ICAM5: variants seen among roughly 807,000 people sequenced by gnomAD.
ICAM5 encodes intercellular adhesion molecule 5.
A neutral mutation model predicts 78.8 loss-of-function variants in ICAM5; 38 were observed. The ratio of observed to expected loss-of-function variants is 0.48; its 90% CI spans 0.37 to 0.63. The LOEUF is 0.63. Ranked by LOEUF, ICAM5 falls within the 30% of genes least tolerant of loss-of-function variation. ICAM5 has a pLI of 0.00. For missense variants in ICAM5, 1,059 were observed against 1,303.0 expected, an observed-to-expected ratio of 0.81 and a Z score of 2.88; for synonymous variants, 544 against 590.9, an observed-to-expected ratio of 0.92 and a Z score of 1.15.
rs751390283 is a variant in ICAM5 at position 10,294,917 on chromosome 19, C to A, written c.2230+277C>A. ...CCCGTCTCTACAAAAATTAGCCGGTCGTGGTGGTGGGCGCCTGTGGTCCCA... is the reference window on the plus strand; with the variant it reads ...CCCGTCTCTACAAAAATTAGCCGGTAGTGGTGGTGGGCGCCTGTGGTCCCA... On this transcript the variant is annotated intron_variant, in intron 9 of 10. Coordinates refer to ENST00000221980, the MANE Select transcript of ICAM5 (RefSeq NM_003259.4). The surrounding 1 kb of genome is among the most constrained non-coding windows in gnomAD (Gnocchi z 7.7). Among the ~76,000 whole-genome samples the A allele has an allele frequency of 6.6e-5, 10 of 152,190 alleles. No homozygotes were observed. The highest frequency in any genetic ancestry group is 2.6e-4 in the Admixed American group (4 of 15,282).
At position 10,291,669 on chromosome 19, in the gene ICAM5, G is replaced by C; in HGVS notation, c.533G>C (p.Gly178Ala). 1 of 1,612,388 alleles carries C rather than the reference G, an allele frequency of 6.2e-7. No individual in the cohort carries two copies. Among genetic ancestry groups the C allele is most frequent in the Non-Finnish European group, 8.5e-7 (1 of 1,179,752 alleles). ...SFAGEPPRAR[G>A]AVLTATVLAR... ...GCCGGTGAACCACCCCGAGCGCGGG[G>C]CGCGGTGCTCACAGCCACGGTACTG... The change falls in exon 3 of 11, where the codon GGC (glycine) becomes GCC (alanine). Residue 178 changes from glycine to alanine, a missense_variant. Around this residue, in one of 3 missense-constraint regions of ICAM5, gnomAD observed 815 missense variants for 952.8 expected, o/e 0.86. Transcript: ENST00000221980.
In ICAM5 at chr19:10,291,073, G is replaced by A. The variant is rs759815089; in HGVS notation, c.84G>A (p.Ala28=). 2.5e-6 allele frequency: 4 copies of A among 1,605,056 alleles called. No individual in the cohort carries two copies. The highest frequency in any genetic ancestry group is 3.4e-6 in the Non-Finnish European group (4 of 1,175,494). The change falls in exon 2 of 11, where the codon GCG becomes GCA. Residue 28 remains alanine, a splice_region_variant and synonymous_variant. Transcript: ENST00000221980. ...ALGLGLFGLS[A]VSQEPFWADL... ...CTCAGCCCGCGTTTCCCTGGGCAGCGGTCTCGCAGGAGCCCTTCTGGGCGG... is the reference window on the plus strand; with the variant it reads ...CTCAGCCCGCGTTTCCCTGGGCAGCAGTCTCGCAGGAGCCCTTCTGGGCGG...
chr19:10,295,850 G>T (rs1412361990), intron 10 of ICAM5, among the ~76,000 whole-genome samples: 1 of 152,216 alleles, frequency 6.6e-6, no homozygotes, highest in African/African-American at 2.4e-5. Flanking sequence ...GGCTGTCACT[G>T]CTGCAGGAAA....
At chr19:10,292,464 G>C in intron 4 of ICAM5, 142 bp downstream of exon 4, 1 of 1,367,500 alleles carries the variant, frequency 7.3e-7, no homozygotes, top group Non-Finnish European at 9.9e-7. Flanking sequence ...CGTAATCGCT[G>C]GGGAGGAGGA....
At position 10,293,818 on chromosome 19, in the gene ICAM5, C is replaced by T; in HGVS notation, c.1586C>T (p.Ser529Phe). ...VPPPDVICVR[S>F]GELGAVIEGL... Reference sequence around the variant, plus strand: ...CCGCCTGATGTGATCTGCGTGCGCTCTGGAGAACTCGGGGCCGTCATCGAG... The same window carrying T: ...CCGCCTGATGTGATCTGCGTGCGCTTTGGAGAACTCGGGGCCGTCATCGAG... Residue 529 changes from serine to phenylalanine, a missense_variant, in exon 7 of 11, where the codon TCT becomes TTT. Ser to Phe is a radical substitution (Grantham distance 155). Coordinates refer to ENST00000221980, the MANE Select transcript of ICAM5 (RefSeq NM_003259.4). This position sits in a 1 kb window ranked among gnomAD's most constrained non-coding sequence, Gnocchi z 5.0. 2 of 1,613,472 alleles carry T rather than the reference C, an allele frequency of 1.2e-6. No homozygotes were observed. The highest frequency in any genetic ancestry group is 1.7e-6 in the Non-Finnish European group (2 of 1,180,026).
chr19:10,292,463 T>A (rs936472248), intron 4 of ICAM5, 141 bp downstream of exon 4: 115 of 1,364,626 alleles, frequency 8.4e-5, no homozygotes, highest in Non-Finnish European at 1.1e-4. Context: ...ACGTAATCGC[T>A]GGGGAGGAGG....
chr19:10,296,618 C>T lies in ICAM5; in HGVS notation c.*2C>T. Reference sequence around the variant, plus strand: ...GCCATACAGCTGACATCGGCGTGAGCCCGCTCCCCTCTCCCCGCGGGCCGG... The same window carrying T: ...GCCATACAGCTGACATCGGCGTGAGTCCGCTCCCCTCTCCCCGCGGGCCGG... On this transcript the variant is annotated 3_prime_UTR_variant, in exon 11 of 11. Transcript: ENST00000221980. 1.7e-6 allele frequency: 2 copies of T among 1,210,694 alleles called. No homozygotes were observed. The highest frequency in any genetic ancestry group is 3.4e-5 in the East Asian group (1 of 29,442). 75.0% of individuals were successfully genotyped at this position (1,210,694 alleles called of 1,614,324 possible). A position where few individuals can be genotyped will look rare whatever the true frequency, so the allele number is the denominator to read the frequency against.
rs558164614 is a variant in ICAM5 at position 10,295,599 on chromosome 19, G to T, written c.2484G>T (p.Thr828=). 5.2e-6 allele frequency: 8 copies of T among 1,541,720 alleles called. No individual in the cohort carries two copies. The Admixed American group carries it at 1.6e-4, about 30-fold the overall frequency. The change falls in exon 10 of 11, where the codon ACG becomes ACT. Residue 828 remains threonine, a synonymous_variant. Coordinates refer to ENST00000221980, the MANE Select transcript of ICAM5 (RefSeq NM_003259.4). ...NAHGRHARRI[T]VRVAGPWLWV... ...ACGGGCGCCACGCGCGGCGCATCACGGTGCGCGTGGCCGGTAAGTGGCAGC... is the reference window on the plus strand; with the variant it reads ...ACGGGCGCCACGCGCGGCGCATCACTGTGCGCGTGGCCGGTAAGTGGCAGC...
In ICAM5 at chr19:10,291,525, C is replaced by G; in HGVS notation, c.389C>G (p.Pro130Arg). The change falls in exon 3 of 11, where the codon CCC (proline) becomes CGC (arginine). Residue 130 changes from proline to arginine, a missense_variant. By Grantham distance (103) the Pro-to-Arg change is moderately radical (BLOSUM62 -2). Transcript: ENST00000221980. ...PDRVELMPLP[P>R]WQPVGENFTL... ...CGCGTAGAGCTGATGCCGCTGCCTC[C>G]CTGGCAGCCGGTGGGCGAGAACTTC... The G allele has an allele frequency of 6.2e-7, 1 of 1,612,604 alleles. No individual in the cohort carries two copies. Among genetic ancestry groups the G allele is most frequent in the Non-Finnish European group, 8.5e-7 (1 of 1,179,932 alleles).
chr19:10,296,188 C>G, intron 10 of ICAM5, 151 bp from the exon 11 acceptor site: 1 of 704,264 alleles, frequency 1.4e-6, no homozygotes, highest in East Asian at 3.7e-5. Flanking sequence ...CTGGGAGTGG[C>G]CTTATTGCAT....
At position 10,296,361 on chromosome 19, in the gene ICAM5, G is replaced by A; in HGVS notation, c.2520G>A (p.Val840=). ...CAGGTCCGTGGCTATGGGTCGCCGT[G>A]GGCGGCGCGGCGGGGGGCGCGGCGC... ...RVAGPWLWVA[V]GGAAGGAALL... The change falls in exon 11 of 11, where the codon GTG becomes GTA. Residue 840 remains valine (V), a synonymous_variant. Coordinates refer to ENST00000221980, the MANE Select transcript of ICAM5 (RefSeq NM_003259.4). The A allele has an allele frequency of 8.0e-7, 1 of 1,250,638 alleles. No homozygotes were observed. Among genetic ancestry groups the A allele is most frequent in the Non-Finnish European group, 1.0e-6 (1 of 989,786 alleles). 77.5% of individuals were successfully genotyped at this position (1,250,638 alleles called of 1,614,324 possible).
Position 10,290,247 on chromosome 19 carries a change from C to G in ICAM5, c.82+122C>G. On this transcript the variant is annotated intron_variant, in intron 1 of 10. Transcript: ENST00000221980. The surrounding 1 kb of genome is among the most constrained non-coding windows in gnomAD (Gnocchi z 5.7). ...CGCTCCCACGCCTCTGCCCCCACCTCGAGCCTGAGTCTTCTCCCCTTCCCC... is the reference window on the plus strand; with the variant it reads ...CGCTCCCACGCCTCTGCCCCCACCTGGAGCCTGAGTCTTCTCCCCTTCCCC... 5 of 682,676 alleles carry G rather than the reference C, an allele frequency of 7.3e-6. No homozygotes were observed. Among genetic ancestry groups the G allele is most frequent in the Non-Finnish European group, 9.3e-6 (4 of 432,072 alleles). The allele number at this position is 682,676 out of a possible 1,614,324, so 42.3% of individuals were successfully genotyped here. A position where few individuals can be genotyped will look rare whatever the true frequency, so the allele number is the denominator to read the frequency against.
rs1157533561 is a variant in ICAM5, at chr19:10,292,632, A to G, written c.982A>G (p.Thr328Ala). 1.3e-6 allele frequency: 2 copies of G among 1,588,648 alleles called. No individual in the cohort carries two copies. The highest frequency in any genetic ancestry group is 2.2e-5 in the East Asian group (1 of 44,706). ...CCCAGGCTTCCCGGCACCACTCCTG[A>G]CCCTGAGCGAACCCAGCGTCTCCGA... ...TIYSFPAPLL[T>A]LSEPSVSEGQ... Residue 328 changes from threonine (T) to alanine (A), a missense_variant, in exon 5 of 11, where the codon ACC becomes GCC. By Grantham distance (58) the Thr-to-Ala change is moderately conservative. Transcript: ENST00000221980.
rs919994772 is a variant in ICAM5 at position 10,295,238 on chromosome 19, C to T, written c.2231-108C>T. 9 of 1,259,662 alleles carry T rather than the reference C, an allele frequency of 7.1e-6. No homozygotes were observed. The Admixed American group carries it at 1.2e-4, about 17-fold the overall frequency. The allele number at this position is 1,259,662 out of a possible 1,614,324, so 78.0% of individuals were successfully genotyped here. A position where few individuals can be genotyped will look rare whatever the true frequency, so the allele number is the denominator to read the frequency against. ...TGATAGGAGGCAGGATCCTCTTCTG[C>T]CCATCAGAGGCGCGGTGGTCTCCCA... is the stretch of plus-strand genomic sequence containing the variant. On this transcript the variant is annotated intron_variant, in intron 9 of 10. Coordinates refer to ENST00000221980, the MANE Select transcript of ICAM5 (RefSeq NM_003259.4).
rs1385159860 is a variant in ICAM5 at position 10,293,218 on chromosome 19, G to A, written c.1437G>A (p.Ala479=). Residue 479 remains alanine (A), a synonymous_variant, in exon 6 of 11, where the codon GCG becomes GCA. Transcript: ENST00000221980. This position sits in a 1 kb window ranked among gnomAD's most constrained non-coding sequence, Gnocchi z 5.0. ...RCKAANDQGE[A]VKDVTLTVEY... ...AGGCGGCCAATGATCAAGGCGAGGC[G>A]GTCAAGGACGTAACGCTAACGGTGG... The A allele has an allele frequency of 6.3e-7, 1 of 1,595,866 alleles. No individual in the cohort carries two copies.
rs1160455442 is a variant in ICAM5, at chr19:10,294,933, T to C, written c.2230+293T>C. The stretch of plus-strand genomic sequence containing the variant: ...TTAGCCGGTCGTGGTGGTGGGCGCC[T>C]GTGGTCCCAGCTACTTGGGAGGCTG... On this transcript the variant is annotated intron_variant, in intron 9 of 10. Coordinates refer to ENST00000221980, the MANE Select transcript of ICAM5 (RefSeq NM_003259.4). This position sits in a 1 kb window ranked among gnomAD's most constrained non-coding sequence, Gnocchi z 7.7. Among the ~76,000 whole-genome samples the C allele has an allele frequency of 6.6e-6, 1 of 151,956 alleles. No homozygotes were observed. Among genetic ancestry groups the C allele is most frequent in the Non-Finnish European group, 1.5e-5 (1 of 67,970 alleles).
At position 10,292,869 on chromosome 19, in the gene ICAM5, G is replaced by A; in HGVS notation, c.1216+3G>A. On this transcript the variant is annotated splice_donor_region_variant and intron_variant, in intron 5 of 10. Coordinates refer to ENST00000221980, the MANE Select transcript of ICAM5 (RefSeq NM_003259.4). ...GAGCGCAGAGCTTCGTGTCCTATGT[G>A]AGTTGGTGATAACCCCTCGCCCCCC... 1.9e-6 allele frequency: 3 copies of A among 1,610,926 alleles called. No individual in the cohort carries two copies. The highest frequency in any genetic ancestry group is 1.7e-6 in the Non-Finnish European group (2 of 1,178,490).
rs1429286539 is a variant in ICAM5, at chr19:10,295,515, C to A, written c.2400C>A (p.Ser800Arg). The A allele has an allele frequency of 2.6e-6, 4 of 1,557,584 alleles. No homozygotes were observed. The highest frequency in any genetic ancestry group is 1.4e-5 in the African/African-American group (1 of 73,326). ...IGLSSNNSTL[S>R]VAGAMGSHGG... Reference sequence around the variant, plus strand: ...TGTCGAGCAACAACAGCACACTGAGCGTGGCAGGCGCCATGGGAAGCCACG... The same window carrying A: ...TGTCGAGCAACAACAGCACACTGAGAGTGGCAGGCGCCATGGGAAGCCACG... Residue 800 changes from serine (S) to arginine (R), a missense_variant, in exon 10 of 11, where the codon AGC becomes AGA. By Grantham distance (110) the Ser-to-Arg change is moderately radical. Transcript: ENST00000221980.
chr19:10,292,361 G>A, intron 4 of ICAM5, 39 bp downstream of exon 4: 1 of 1,541,698 alleles, frequency 6.5e-7, no homozygotes, highest in Non-Finnish European at 8.7e-7. Flanking sequence ...TCCGAGGTGG[G>A]ACCAGAGGAA....
Sources: allele counts gnomAD v4.1 joint callset (sites outside exome capture counted in the v4.1 genomes callset), GRCh38; gene constraint gnomAD v4.1.1; regional missense constraint gnomAD v4.1.1; non-coding constraint Gnocchi (gnomAD v3.1); transcripts MANE v1.5; gene names NCBI Gene and HGNC (gene_info 2026-07-23, HGNC 2026-07-21).